The following FBXL7 variants were observed in gnomAD, a reference collection of about 807,000 sequenced individuals.
FBXL7 encodes the protein F-box and leucine rich repeat protein 7, also known as F-box/LRR-repeat protein 7.
In FBXL7, 12 loss-of-function variants were observed where a neutral mutation model predicts 38.3. The observed-to-expected ratio is 0.31, with a 90% CI of 0.20 to 0.51. The LOEUF (loss-of-function observed/expected upper bound fraction) is 0.51, where lower values mean the gene tolerates loss of function less well. FBXL7 is among the 20% of genes least tolerant of loss of function. FBXL7 has a pLI of 0.98. For synonymous variants in FBXL7, 297 were observed against 300.9 expected (o/e 0.99, Z 0.13); for missense variants, 567 against 676.4 (o/e 0.84, Z 1.79).
At chr5:15,839,841 C>T (rs1340700518) in intron 2 of FBXL7, among the ~76,000 whole-genome samples, 1 of 152,134 alleles carries the variant, frequency 6.6e-6, no homozygotes, top group Non-Finnish European at 1.5e-5. Context: ...CCAAGCCCCC[C>T]ACTTTTGGAA....
At position 15,632,021 on chromosome 5, in the gene FBXL7, C is replaced by T. The variant is rs534301744; in HGVS notation, c.127+15949C>T. 3.9e-5 allele frequency among the ~76,000 whole-genome samples: 6 copies of T among 152,204 alleles called. No homozygotes were observed. In the East Asian group the frequency reaches 5.8e-4, roughly 15 times the overall value. The stretch of plus-strand genomic sequence containing the variant: ...ACAGAGTTACCCTAAAGCTAAAGGC[C>T]GACTACTTGCATGCATGCTCTAGGA... On this transcript the variant is annotated intron_variant, in intron 2 of 3. Transcript: ENST00000504595.
intron 1 of FBXL7, among the ~76,000 whole-genome samples, chr5:15,513,336 T>G (rs1197534785): frequency 6.6e-6 from 1 of 152,212 alleles, no homozygotes; most frequent in African/African-American, 2.4e-5. Context: ...AAAATGAAAG[T>G]GTTATTTCTT....
chr5:15,854,569 A>G (rs1346699380), intron 2 of FBXL7, among the ~76,000 whole-genome samples: 1 of 152,214 alleles, frequency 6.6e-6, no homozygotes, highest in Non-Finnish European at 1.5e-5. Flanking sequence ...TTCTAGAAAT[A>G]GGAGAAATTA....
At chr5:15,826,677 C>G (rs1213442133) in intron 2 of FBXL7, among the ~76,000 whole-genome samples, 1 of 152,136 alleles carries the variant, frequency 6.6e-6, no homozygotes, top group Non-Finnish European at 1.5e-5. Context: ...CCTCAGTCTC[C>G]CTAAGTGCTG....
At chr5:15,591,358 GGTGGAGCTTGCA>G (rs1195202881) in intron 1 of FBXL7, among the ~76,000 whole-genome samples, 2 of 151,662 alleles carry the variant, frequency 1.3e-5, no homozygotes, top group African/African-American at 4.8e-5. Flanking sequence ...GAATCCGGGA[GGTGGAGCTTGCA>G]GTGAGCTGTG....
intron 2 of FBXL7, among the ~76,000 whole-genome samples, chr5:15,647,832 A>C (rs745393972): frequency 6.6e-6 from 1 of 152,206 alleles, no homozygotes; most frequent in Admixed American, 6.5e-5. Flanking sequence ...CAGATAAATA[A>C]ATTTAGGATG....
intron 1 of FBXL7, among the ~76,000 whole-genome samples, chr5:15,516,895 A>C (rs1284498664): frequency 6.6e-6 from 1 of 152,160 alleles, no homozygotes; most frequent in Admixed American, 6.5e-5. Context: ...CTCCCCAGCT[A>C]TGCTGAACTG....
At chr5:15,903,769 A>G (rs556402865) in intron 2 of FBXL7, among the ~76,000 whole-genome samples, 21 of 152,316 alleles carry the variant, frequency 1.4e-4, no homozygotes, top group Non-Finnish European at 2.6e-4. Flanking sequence ...ATTAAATTAA[A>G]TTAAATTAAA....
intron 2 of FBXL7, among the ~76,000 whole-genome samples, chr5:15,664,557 C>T (rs1422488513): frequency 3.3e-5 from 5 of 149,772 alleles, no homozygotes; most frequent in East Asian, 3.9e-4. Context: ...CTGCAACCTC[C>T]GCCTCCCGGG....
chr5:15,681,475 A>G (rs956425644), intron 2 of FBXL7, among the ~76,000 whole-genome samples: 1 of 152,226 alleles, frequency 6.6e-6, no homozygotes, highest in African/African-American at 2.4e-5. Flanking sequence ...ATGATTACAG[A>G]TTTGTCAAAT....
At chr5:15,692,135 G>A (rs1256426513) in intron 2 of FBXL7, among the ~76,000 whole-genome samples, 4 of 152,120 alleles carry the variant, frequency 2.6e-5, no homozygotes, top group Admixed American at 6.5e-5. Flanking sequence ...ATTGGAATCC[G>A]GGGTCACTTC....
rs796807409 is a variant in FBXL7, at chr5:15,634,516, T to G, written c.127+18444T>G. On this transcript the variant is annotated intron_variant, in intron 2 of 3. Coordinates refer to ENST00000504595, the MANE Select transcript of FBXL7 (RefSeq NM_012304.5). ...TTTGTATTTTTAGTTGGGGGGGGGGTTTACCCTAGGGCCAGGCTGGTGTCG... is the reference window on the plus strand; with the variant it reads ...TTTGTATTTTTAGTTGGGGGGGGGGGTTACCCTAGGGCCAGGCTGGTGTCG... 3.5e-3 allele frequency among the ~76,000 whole-genome samples: 461 copies of G among 130,778 alleles called. 7 individuals carry two copies. Among genetic ancestry groups the G allele is most frequent in the East Asian group, 0.02 (43 of 2,136 alleles). The allele number at this position is 130,778 out of a possible 152,430, so 85.8% of individuals were successfully genotyped here.
At chr5:15,566,354 G>T (rs976558851) in intron 1 of FBXL7, among the ~76,000 whole-genome samples, 1 of 152,148 alleles carries the variant, frequency 6.6e-6, no homozygotes, top group South Asian at 2.1e-4. Flanking sequence ...ATTATAAGTT[G>T]AGTTGGCAGA....
In FBXL7 at chr5:15,878,430, C is replaced by T. The variant is rs536203680; in HGVS notation, c.128-49460C>T. On this transcript the variant is annotated intron_variant, in intron 2 of 3. Coordinates refer to ENST00000504595, the MANE Select transcript of FBXL7 (RefSeq NM_012304.5). ...CCCCCCAAGTCTCTCTCCATGTTCT[C>T]CAGCAACTCTGCATGAAGATGGACC... 2.0e-5 allele frequency among the ~76,000 whole-genome samples: 3 copies of T among 152,270 alleles called. No homozygotes were observed. In the South Asian group the frequency reaches 6.2e-4, roughly 32 times the overall value.
rs1475205548 is a variant in FBXL7, at chr5:15,934,868, T to C, written c.740-1582T>C. Among the ~76,000 whole-genome samples, 3 of 152,190 alleles carry C rather than the reference T, an allele frequency of 2.0e-5. No homozygotes were observed. In the East Asian group the frequency reaches 5.8e-4, roughly 29 times the overall value. On this transcript the variant is annotated intron_variant, in intron 3 of 3. Coordinates refer to ENST00000504595, the MANE Select transcript of FBXL7 (RefSeq NM_012304.5). ...AGCAGTGAACAGCCCCAAGTCCCTT[T>C]TCTCAAAACTTACATTCCAGAGTGA...
At chr5:15,909,562 C>T (rs1340086779) in intron 2 of FBXL7, among the ~76,000 whole-genome samples, 1 of 32,718 alleles carries the variant, frequency 3.1e-5, no homozygotes, top group Non-Finnish European at 6.0e-5. Flanking sequence ...TTGCCTTCTG[C>T]TAGCTTTTGA....
Position 15,938,972 on chromosome 5 carries a change from C to T in FBXL7, c.*1786C>T. On this transcript the variant is annotated 3_prime_UTR_variant, in exon 4 of 4. Coordinates refer to ENST00000504595, the MANE Select transcript of FBXL7 (RefSeq NM_012304.5). Reference sequence around the variant, plus strand: ...AATGCCCATTATCCAAATGCAGAACCTCTGCATCTCCAAGCCAGTTATGCT... The same window carrying T: ...AATGCCCATTATCCAAATGCAGAACTTCTGCATCTCCAAGCCAGTTATGCT... 1 of 399,042 alleles carries T rather than the reference C, an allele frequency of 2.5e-6. No individual in the cohort carries two copies. Among genetic ancestry groups the T allele is most frequent in the Non-Finnish European group, 4.4e-6 (1 of 226,068 alleles). The allele number at this position is 399,042 out of a possible 1,614,324, so 24.7% of individuals were successfully genotyped here. A position where few individuals can be genotyped will look rare whatever the true frequency, so the allele number is the denominator to read the frequency against.
chr5:15,519,485 A>G (rs1337512907), intron 1 of FBXL7, among the ~76,000 whole-genome samples: 2 of 151,916 alleles, frequency 1.3e-5, no homozygotes, highest in Non-Finnish European at 2.9e-5. Context: ...AAACTTGTTG[A>G]AATTAATTTT....
At chr5:15,525,423 C>T (rs1737224794) in intron 1 of FBXL7, among the ~76,000 whole-genome samples, 1 of 152,158 alleles carries the variant, frequency 6.6e-6, no homozygotes, top group Non-Finnish European at 1.5e-5. Context: ...TAGTCCTGGA[C>T]TCTACCTTCT....
Sources: gnomAD v4.1 joint callset for allele counts (sites outside exome capture counted in the v4.1 genomes callset) on GRCh38, gnomAD v4.1.1 for gene constraint, MANE v1.5 for transcripts, NCBI Gene and HGNC (gene_info 2026-07-23, HGNC 2026-07-21) for gene names.